The following CACNG5 variants were observed in gnomAD, a reference collection of about 807,000 sequenced individuals.
CACNG5 encodes calcium voltage-gated channel auxiliary subunit gamma 5.
CACNG5 carries 18 observed loss-of-function variants against 24.8 expected under a neutral mutation model. The ratio of observed to expected loss-of-function variants is 0.73; its 90% confidence interval spans 0.50 to 1.08. CACNG5 has a LOEUF of 1.08. Among genes scored for constraint, CACNG5 ranks in the 50% least tolerant of loss-of-function variants. The probability of loss-of-function intolerance (pLI) is 0.00; values close to 1 mark genes in which losing one functional copy is unlikely to be tolerated. For synonymous variants in CACNG5, 157 were observed against 149.1 expected (o/e 1.05, Z -0.39); for missense variants, 349 against 367.9 (o/e 0.95, Z 0.42).
intron 1 of CACNG5, among the ~76,000 whole-genome samples, chr17:66,872,456 C>T (rs1977021833): frequency 6.6e-6 from 1 of 152,134 alleles, no homozygotes; most frequent in African/African-American, 2.4e-5. Flanking sequence ...AATATGTACA[C>T]ACATGCACAA....
chr17:66,838,914 G>A (rs944724063), intron 1 of CACNG5, among the ~76,000 whole-genome samples: 56 of 149,254 alleles, frequency 3.8e-4, no homozygotes, highest in African/African-American at 1.4e-3. Context: ...AACAGTGCTG[G>A]TCTCTATCCA....
intron 1 of CACNG5, among the ~76,000 whole-genome samples, chr17:66,864,497 TATTGGTTTCCTTG>T (rs1156327261): frequency 1.3e-5 from 2 of 152,246 alleles, no homozygotes. Flanking sequence ...ACCTCTAAAC[TATTGGTTTCCTTG>T]ATTGCTCTCC....
chr17:66,837,887 G>C (rs1976502992), intron 1 of CACNG5, among the ~76,000 whole-genome samples: 1 of 151,764 alleles, frequency 6.6e-6, no homozygotes. Context: ...GAGGGGGAAG[G>C]GGCAGGCCTC....
rs183576551 is a variant in CACNG5 at position 66,872,904 on chromosome 17, G to A, written c.-103-4326G>A. 1.1e-4 allele frequency among the ~76,000 whole-genome samples: 16 copies of A among 152,234 alleles called. No individual in the cohort carries two copies. The East Asian group carries it at 2.9e-3, about 28-fold the overall frequency. ...GAAACATTTCTGAATACTGTGTCTCGTACATTTCTAGATAGCCTGAGTGAC... is the reference window on the plus strand; with the variant it reads ...GAAACATTTCTGAATACTGTGTCTCATACATTTCTAGATAGCCTGAGTGAC... On this transcript the variant is annotated intron_variant, in intron 1 of 5. Transcript: ENST00000533854.
intron 1 of CACNG5, among the ~76,000 whole-genome samples, chr17:66,876,445 A>G (rs1269704724): frequency 2.0e-5 from 3 of 152,222 alleles, no homozygotes. Context: ...TGACCCTGGC[A>G]GATATCAGCA....
At position 66,890,586 on chromosome 17, in the gene CACNG5, C is replaced by T. The variant is rs1301976621; in HGVS notation, c.*5346C>T. Among the ~76,000 whole-genome samples, 3 of 152,210 alleles carry T rather than the reference C, an allele frequency of 2.0e-5. No individual in the cohort carries two copies. The highest frequency in any genetic ancestry group is 4.4e-5 in the Non-Finnish European group (3 of 68,036). ...GTGAAGCCAGGACTCCCTGTGTGCTCACTGTGGGGCTAAGGTTTTCTGCCC... is the reference window on the plus strand; with the variant it reads ...GTGAAGCCAGGACTCCCTGTGTGCTTACTGTGGGGCTAAGGTTTTCTGCCC... On this transcript the variant is annotated 3_prime_UTR_variant, in exon 6 of 6. Coordinates refer to ENST00000533854, the MANE Select transcript of CACNG5 (RefSeq NM_145811.3).
chr17:66,865,482 A>G (rs1247608742), intron 1 of CACNG5, among the ~76,000 whole-genome samples: 2 of 152,160 alleles, frequency 1.3e-5, no homozygotes, highest in African/African-American at 4.8e-5. Flanking sequence ...AGCAGAGCCC[A>G]GGTTCCAAAT....
intron 1 of CACNG5, among the ~76,000 whole-genome samples, chr17:66,855,719 A>T (rs996900511): frequency 6.6e-6 from 1 of 151,856 alleles, no homozygotes; most frequent in Admixed American, 6.6e-5. Flanking sequence ...CTGGTCTTGA[A>T]CTCCTGGCCT....
chr17:66,852,035 G>A (rs1976714154), intron 1 of CACNG5, among the ~76,000 whole-genome samples: 1 of 152,232 alleles, frequency 6.6e-6, no homozygotes, highest in African/African-American at 2.4e-5. Context: ...TCTCAGTGTG[G>A]ATGGGCACCA....
chr17:66,872,768 G>C (rs765985406), intron 1 of CACNG5, among the ~76,000 whole-genome samples: 2 of 152,106 alleles, frequency 1.3e-5, no homozygotes, highest in Non-Finnish European at 2.9e-5. Context: ...GAAATCCTGG[G>C]TCAGAGTGCA....
At chr17:66,853,756 CAAACAA>C (rs1024739047) in intron 1 of CACNG5, among the ~76,000 whole-genome samples, 2 of 151,864 alleles carry the variant, frequency 1.3e-5, no homozygotes, top group African/African-American at 4.8e-5. Flanking sequence ...AATTATAAAA[CAAACAA>C]AAACAAAAAC....
rs910559048 is a variant in CACNG5, at chr17:66,891,516, C to T, written c.*6276C>T. Among the ~76,000 whole-genome samples the T allele has an allele frequency of 2.6e-5, 4 of 152,158 alleles. No homozygotes were observed. The highest frequency in any genetic ancestry group is 1.3e-4 in the Admixed American group (2 of 15,272). ...ACTTCAGCTAAGGTTGTCACTAGAACATCTTTGCACACGGTCTCTTCTTAA... is the reference window on the plus strand; with the variant it reads ...ACTTCAGCTAAGGTTGTCACTAGAATATCTTTGCACACGGTCTCTTCTTAA... On this transcript the variant is annotated 3_prime_UTR_variant, in exon 6 of 6. Coordinates refer to ENST00000533854, the MANE Select transcript of CACNG5 (RefSeq NM_145811.3).
chr17:66,871,306 C>A (rs975028252), intron 1 of CACNG5, among the ~76,000 whole-genome samples: 1 of 152,222 alleles, frequency 6.6e-6, no homozygotes, highest in Non-Finnish European at 1.5e-5. Context: ...AAAACCCCTA[C>A]ACCATGAACC....
At chr17:66,875,096 G>T (rs1977057439) in intron 1 of CACNG5, among the ~76,000 whole-genome samples, 1 of 152,146 alleles carries the variant, frequency 6.6e-6, no homozygotes. Context: ...CCCACCTTCA[G>T]TCAGAATGGG....
chr17:66,863,879 G>A (rs907029037), intron 1 of CACNG5, among the ~76,000 whole-genome samples: 2 of 152,126 alleles, frequency 1.3e-5, no homozygotes, highest in Non-Finnish European at 2.9e-5. Context: ...TATTTTTACT[G>A]GACAGGACAT....
At chr17:66,851,487 G>A (rs1008576153) in intron 1 of CACNG5, among the ~76,000 whole-genome samples, 5 of 152,180 alleles carry the variant, frequency 3.3e-5, no homozygotes, top group African/African-American at 4.8e-5. Context: ...GGGGAAATTA[G>A]CATTTCAAAA....
intron 1 of CACNG5, among the ~76,000 whole-genome samples, chr17:66,866,769 T>C (rs1204648033): frequency 1.3e-5 from 2 of 152,204 alleles, no homozygotes; most frequent in African/African-American, 4.8e-5. Context: ...GGCTTCCAGC[T>C]TCATCCATGT....
intron 1 of CACNG5, among the ~76,000 whole-genome samples, chr17:66,850,240 G>C (rs1301556071): frequency 6.6e-6 from 1 of 152,206 alleles, no homozygotes; most frequent in Non-Finnish European, 1.5e-5. Flanking sequence ...GAAATGGACT[G>C]GGGGAGGGGG....
intron 1 of CACNG5, among the ~76,000 whole-genome samples, chr17:66,869,353 G>A (rs747349362): frequency 1.4e-4 from 21 of 152,274 alleles, no homozygotes; most frequent in Admixed American, 9.8e-4. Flanking sequence ...CAAAGTTCTG[G>A]GATTACAGGT....
Sources: allele counts gnomAD v4.1 joint callset (sites outside exome capture counted in the v4.1 genomes callset), GRCh38; gene constraint gnomAD v4.1.1; transcripts MANE v1.5; gene names NCBI Gene and HGNC (gene_info 2026-07-23, HGNC 2026-07-21).